The following WDR72 variants were observed in gnomAD, a reference collection of about 807,000 sequenced individuals.
The protein encoded by WDR72 is WD repeat domain 72.
WDR72 carries 120 observed loss-of-function variants against 124.2 expected under a neutral mutation model. The observed-to-expected ratio is 0.97, with a 90% confidence interval of 0.83 to 1.12. The LOEUF (loss-of-function observed/expected upper bound fraction) is 1.12. Among genes scored for constraint, WDR72 ranks in the 50% most tolerant of loss-of-function variants. The pLI is 0.00. For missense variants in WDR72, 1,387 were observed against 1,278.8 expected (o/e 1.08, Z -1.29); for synonymous variants, 452 against 441.7 (o/e 1.02, Z -0.29).
intron 13 of WDR72, among the ~76,000 whole-genome samples, chr15:53,680,571 A>C (rs757128935): frequency 1.1e-4 from 16 of 152,260 alleles, no homozygotes; most frequent in Non-Finnish European, 2.1e-4. Flanking sequence ...CCTGCGGGGT[A>C]AATCATGGGT....
chr15:53,623,111 G>T (rs989042968), intron 14 of WDR72, among the ~76,000 whole-genome samples: 10 of 152,146 alleles, frequency 6.6e-5, no homozygotes, highest in African/African-American at 2.4e-4. Context: ...TACTATACGG[G>T]TTTTGATTTC....
At chr15:53,551,395 A>G (rs901126968) in intron 18 of WDR72, among the ~76,000 whole-genome samples, 7 of 152,156 alleles carry the variant, frequency 4.6e-5, no homozygotes, top group Non-Finnish European at 1.0e-4. Context: ...CTGCTGTAAG[A>G]AATATGTCTT....
intron 13 of WDR72, among the ~76,000 whole-genome samples, chr15:53,683,782 G>A (rs1263629443): frequency 6.6e-6 from 1 of 151,938 alleles, no homozygotes; most frequent in Non-Finnish European, 1.5e-5. Flanking sequence ...ATATATATAT[G>A]GTCTGATTTT....
intron 15 of WDR72, 92 bp downstream of exon 15, chr15:53,615,334 G>A: frequency 1.9e-6 from 2 of 1,033,502 alleles, no homozygotes; most frequent in East Asian, 2.7e-5. Flanking sequence ...TGGAAAGAAG[G>A]AAGGAATGTT....
chr15:53,529,164 A>ATATATATATATATATATATTTTTTTTTTT (rs59003623), intron 18 of WDR72, among the ~76,000 whole-genome samples: 1 of 78,158 alleles, frequency 1.3e-5, no homozygotes, highest in African/African-American at 5.0e-5. Flanking sequence ...ATATATATAT[A>ATATATATATATATATATATTTTTTTTTTT]TTTTTTTTTT....
chr15:53,726,644 C>T (rs572440114), intron 2 of WDR72, among the ~76,000 whole-genome samples: 1 of 151,934 alleles, frequency 6.6e-6, no homozygotes, highest in Non-Finnish European at 1.5e-5. Flanking sequence ...AAATTCAAGA[C>T]CAGCCTGGGC....
chr15:53,518,661 G>T (rs1361996306), intron 19 of WDR72, among the ~76,000 whole-genome samples: 2 of 151,092 alleles, frequency 1.3e-5, no homozygotes, highest in Non-Finnish European at 2.9e-5. Flanking sequence ...CATTTTTTCT[G>T]CTTCATGCAT....
intron 1 of WDR72, among the ~76,000 whole-genome samples, chr15:53,734,927 A>G (rs767145944): frequency 1.2e-4 from 19 of 152,076 alleles, no homozygotes; most frequent in Non-Finnish European, 2.1e-4. Context: ...TTCCAGGTCA[A>G]TGATACTATT....
At chr15:53,657,263 C>CAAAAAAAAAAA (rs10549551) in intron 14 of WDR72, among the ~76,000 whole-genome samples, 3 of 56,404 alleles carry the variant, frequency 5.3e-5, no homozygotes, top group East Asian at 1.5e-3. Flanking sequence ...GACTCCATCT[C>CAAAAAAAAAAA]AAAAAAAAAA....
intron 1 of WDR72, among the ~76,000 whole-genome samples, chr15:53,752,786 C>T (rs575713281): frequency 6.6e-6 from 1 of 152,164 alleles, no homozygotes; most frequent in Non-Finnish European, 1.5e-5. Flanking sequence ...AAATTTTAGT[C>T]TGAATCACAC....
chr15:53,705,970 G>A lies in WDR72; in HGVS notation c.1059C>T (p.His353=). 1 of 1,614,110 alleles carries A rather than the reference G, an allele frequency of 6.2e-7. No individual in the cohort carries two copies. Among genetic ancestry groups the A allele is most frequent in the African/African-American group, 1.3e-5 (1 of 75,040 alleles). Residue 353 remains histidine (H), a synonymous_variant, in exon 10 of 20, where the codon CAC becomes CAT. Transcript: ENST00000360509. ...GEVSGRITLW[H]IPDVPVSKFD... ...ACTTGGATACAGGAACATCAGGGAT[G>A]TGCCACAAAGTAATTCTTCCTGAGA...
rs1891300796 is a variant in WDR72 at position 53,513,800 on chromosome 15, C to G, written c.*3899G>C. 1 of 152,092 alleles carries G rather than the reference C, an allele frequency of 6.6e-6. No homozygotes were observed. Among genetic ancestry groups the G allele is most frequent in the South Asian group, 2.1e-4 (1 of 4,820 alleles). 9.4% of individuals were successfully genotyped at this position (152,092 alleles called of 1,614,324 possible). A position where few individuals can be genotyped will look rare whatever the true frequency, so the allele number is the denominator to read the frequency against. ...AAATTAAATTACTGCAAAAACTCCA[C>G]AACATCAACATTTTACATAAAGATG... On this transcript the variant is annotated 3_prime_UTR_variant, in exon 20 of 20. Coordinates refer to ENST00000360509, the MANE Select transcript of WDR72 (RefSeq NM_182758.4).
chr15:53,638,580 CT>C (rs3081298), intron 14 of WDR72, among the ~76,000 whole-genome samples: 12,357 of 125,730 alleles, frequency 0.098, 651 homozygotes, highest in African/African-American at 0.23. Context: ...TAATCACATT[CT>C]TTTTTTTTTT....
intron 18 of WDR72, among the ~76,000 whole-genome samples, chr15:53,571,909 T>C (rs532796527): frequency 6.6e-6 from 1 of 152,140 alleles, no homozygotes; most frequent in South Asian, 2.1e-4. Context: ...ATAATAGCCA[T>C]TCTAATAGGT....
chr15:53,652,827 G>A (rs898844187), intron 14 of WDR72, among the ~76,000 whole-genome samples: 3 of 152,106 alleles, frequency 2.0e-5, no homozygotes, highest in African/African-American at 4.8e-5. Flanking sequence ...GTCTTTATCA[G>A]CTCTGTTCTA....
At chr15:53,754,035 G>A (rs2018838374) in intron 1 of WDR72, among the ~76,000 whole-genome samples, 1 of 152,026 alleles carries the variant, frequency 6.6e-6, no homozygotes. Flanking sequence ...ACACAGACAA[G>A]CCAGTCCACC....
intron 14 of WDR72, among the ~76,000 whole-genome samples, chr15:53,660,563 C>T (rs1567011117): frequency 6.6e-6 from 1 of 151,976 alleles, no homozygotes; most frequent in Non-Finnish European, 1.5e-5. Flanking sequence ...AGACACATCA[C>T]CATAAGGTCA....
Position 53,615,436 on chromosome 15 carries a change from T to C in WDR72, c.2770A>G (p.Arg924Gly). The change falls in exon 15 of 20, where the codon AGA becomes GGA. Residue 924 changes from arginine to glycine, a missense_variant. By Grantham distance (125) the Arg-to-Gly change is moderately radical. Coordinates refer to ENST00000360509, the MANE Select transcript of WDR72 (RefSeq NM_182758.4). Reference protein sequence around the residue: ...LVNMPLELACRVGSSFRMESI... With the variant: ...LVNMPLELACGVGSSFRMESI... ...CTAGGTATGTCTTACCTGCCAACTC[T>C]ACATGCCAATTCTAAAGGCATGTTA... 1.9e-6 allele frequency: 3 copies of C among 1,609,624 alleles called. No homozygotes were observed. Among genetic ancestry groups the C allele is most frequent in the South Asian group, 1.1e-5 (1 of 90,806 alleles).
chr15:53,526,162 AC>A (rs1425587801), intron 18 of WDR72, among the ~76,000 whole-genome samples: 3 of 152,066 alleles, frequency 2.0e-5, no homozygotes, highest in Admixed American at 2.0e-4. Context: ...ACATGAAGGC[AC>A]TTTTAATGTG....
Sources: gnomAD v4.1 joint callset for allele counts (sites outside exome capture counted in the v4.1 genomes callset) on GRCh38, gnomAD v4.1.1 for gene constraint, MANE v1.5 for transcripts, NCBI Gene and HGNC (gene_info 2026-07-23, HGNC 2026-07-21) for gene names.